The following LRRTM4 variants were observed in gnomAD, a reference collection of about 807,000 sequenced individuals.
The protein encoded by LRRTM4 is leucine-rich repeat transmembrane neuronal protein 4.
Under a neutral mutation model 47.6 loss-of-function variants are expected in LRRTM4, and 25 were observed. The observed-to-expected ratio is 0.53, with a 90% CI of 0.38 to 0.73. The LOEUF is 0.73. LRRTM4 is among the 30% of genes least tolerant of loss of function. The pLI is 0.00. For synonymous variants in LRRTM4, 311 were observed against 269.5 expected (o/e 1.15, Z -1.51); for missense variants, 638 against 713.4 (o/e 0.89, Z 1.20).
intron 3 of LRRTM4, among the ~76,000 whole-genome samples, chr2:76,951,491 T>C (rs957289834): frequency 6.6e-6 from 1 of 152,008 alleles, no homozygotes; most frequent in African/African-American, 2.4e-5. Flanking sequence ...CTGGACCACA[T>C]CTTTTTTTTG....
chr2:77,379,477 T>C (rs892615682), intron 3 of LRRTM4, among the ~76,000 whole-genome samples: 1 of 152,192 alleles, frequency 6.6e-6, no homozygotes, highest in Non-Finnish European at 1.5e-5. Flanking sequence ...ACACACGGCA[T>C]GTTGTCGCTG....
chr2:76,936,329 A>G (rs567360222), intron 3 of LRRTM4, among the ~76,000 whole-genome samples: 54 of 152,096 alleles, frequency 3.6e-4, no homozygotes, highest in Non-Finnish European at 6.6e-4. Context: ...TCAGCAAACT[A>G]TCACAAAACA....
intron 3 of LRRTM4, among the ~76,000 whole-genome samples, chr2:76,952,689 A>C (rs1675535119): frequency 1.3e-5 from 2 of 151,962 alleles, no homozygotes; most frequent in Admixed American, 1.3e-4. Context: ...CCCATTACTG[A>C]ATATATATCC....
chr2:76,992,976 AC>A (rs1677063810), intron 3 of LRRTM4, among the ~76,000 whole-genome samples: 1 of 151,838 alleles, frequency 6.6e-6, no homozygotes, highest in African/African-American at 2.4e-5. Context: ...GCCCACACCT[AC>A]AACCATCTGA....
chr2:77,429,921 C>A (rs1004956074), intron 3 of LRRTM4, among the ~76,000 whole-genome samples: 1 of 152,038 alleles, frequency 6.6e-6, no homozygotes, highest in African/African-American at 2.4e-5. Flanking sequence ...CAAAAATTAG[C>A]CAGGCATGGT....
At chr2:76,899,901 A>G (rs1233041829) in intron 3 of LRRTM4, among the ~76,000 whole-genome samples, 1 of 152,150 alleles carries the variant, frequency 6.6e-6, no homozygotes. Context: ...ATCCATACTT[A>G]TACCAATCTT....
In LRRTM4 at chr2:76,777,382, T is replaced by C. The variant is rs80123531; in HGVS notation, c.1552-28466A>G. ...CCATTTTCACGATATTGATTCTTCCTACCCATGAGCATGGAATGTTCTTCC... is the reference window on the plus strand; with the variant it reads ...CCATTTTCACGATATTGATTCTTCCCACCCATGAGCATGGAATGTTCTTCC... On this transcript the variant is annotated intron_variant, in intron 3 of 3. Transcript: ENST00000409884. 7.6e-5 allele frequency among the ~76,000 whole-genome samples: 11 copies of C among 144,468 alleles called. 1 individual carries two copies. In the East Asian group the frequency reaches 1.5e-3, roughly 20 times the overall value. 94.8% of individuals were successfully genotyped at this position (144,468 alleles called of 152,430 possible).
intron 3 of LRRTM4, among the ~76,000 whole-genome samples, chr2:77,144,662 A>G (rs1291064292): frequency 6.6e-6 from 1 of 152,154 alleles, no homozygotes; most frequent in Non-Finnish European, 1.5e-5. Flanking sequence ...TTCCCTATTT[A>G]TGCCAATATA....
intron 3 of LRRTM4, among the ~76,000 whole-genome samples, chr2:77,264,871 G>T (rs78504949): frequency 0.027 from 4,174 of 152,098 alleles, 80 homozygotes; most frequent in South Asian, 0.06. Context: ...GCCCATTATG[G>T]ATCTCATTCA....
In LRRTM4 at chr2:76,914,444, A is replaced by T. The variant is rs528850901; in HGVS notation, c.1552-165528T>A. On this transcript the variant is annotated intron_variant, in intron 3 of 3. Transcript: ENST00000409884. ...GGTTGATTTTCACTTCCTGATCTGG[A>T]TTATATTTTTTGTAAAGTGTCAAAG... is the stretch of plus-strand genomic sequence containing the variant. Among the ~76,000 whole-genome samples, 4 of 151,960 alleles carry T rather than the reference A, an allele frequency of 2.6e-5. No individual in the cohort carries two copies. The East Asian group carries it at 7.7e-4, about 29-fold the overall frequency.
At position 76,995,127 on chromosome 2, in the gene LRRTM4, T is replaced by A. The variant is rs78265285; in HGVS notation, c.1552-246211A>T. Among the ~76,000 whole-genome samples the A allele has an allele frequency of 9.2e-5, 14 of 152,120 alleles. No homozygotes were observed. In the East Asian group the frequency reaches 2.7e-3, roughly 30 times the overall value. ...TGAAGTGTGCTCTGTAGAACTAAAG[T>A]TTAGAAAATGCATATAAGAGACAGA... On this transcript the variant is annotated intron_variant, in intron 3 of 3. Transcript: ENST00000409884.
chr2:77,274,685 C>T (rs1278267199), intron 3 of LRRTM4, among the ~76,000 whole-genome samples: 1 of 152,102 alleles, frequency 6.6e-6, no homozygotes, highest in Non-Finnish European at 1.5e-5. Flanking sequence ...TTTGGCTCTA[C>T]AGTACAATAG....
At chr2:76,764,031 C>G (rs1673360371) in intron 3 of LRRTM4, among the ~76,000 whole-genome samples, 1 of 152,074 alleles carries the variant, frequency 6.6e-6, no homozygotes. Context: ...AAAAAGAACT[C>G]AGTTGAATGT....
Position 77,066,246 on chromosome 2 carries a change from T to C in LRRTM4, c.1552-317330A>G, listed in dbSNP as rs541946179. On this transcript the variant is annotated intron_variant, in intron 3 of 3. Coordinates refer to ENST00000409884, the MANE Select transcript of LRRTM4 (RefSeq NM_001134745.3). ...TCAATATAGTACGTAGGTTTTTATG[T>C]GTCTCAGTTCTTCATCTATAAAACT... 3.3e-5 allele frequency among the ~76,000 whole-genome samples: 5 copies of C among 151,070 alleles called. No individual in the cohort carries two copies. In the East Asian group the frequency reaches 7.7e-4, roughly 23 times the overall value.
At chr2:77,262,674 T>C (rs1174506823) in intron 3 of LRRTM4, among the ~76,000 whole-genome samples, 1 of 152,022 alleles carries the variant, frequency 6.6e-6, no homozygotes, top group East Asian at 1.9e-4. Flanking sequence ...TTTTGGTTTT[T>C]CTAATATTTG....
chr2:77,438,393 ATTTTTTTTTTT>A (rs70956631), intron 3 of LRRTM4, among the ~76,000 whole-genome samples: 16 of 100,164 alleles, frequency 1.6e-4, no homozygotes, highest in Admixed American at 6.5e-4. Context: ...GATCATGATA[ATTTTTTTTTTT>A]TTTTTTTTTT....
chr2:77,159,044 T>G (rs1672636593), intron 3 of LRRTM4, among the ~76,000 whole-genome samples: 2 of 152,218 alleles, frequency 1.3e-5, no homozygotes, highest in Non-Finnish European at 2.9e-5. Flanking sequence ...CTGTTTTGAT[T>G]TTAACAGTTG....
At chr2:77,258,004 A>T (rs1675816263) in intron 3 of LRRTM4, among the ~76,000 whole-genome samples, 1 of 151,816 alleles carries the variant, frequency 6.6e-6, no homozygotes, top group African/African-American at 2.4e-5. Context: ...GCTGAGGCAG[A>T]AAAATTGCTT....
At chr2:77,315,350 G>T (rs570881425) in intron 3 of LRRTM4, among the ~76,000 whole-genome samples, 1 of 151,812 alleles carries the variant, frequency 6.6e-6, no homozygotes, top group Non-Finnish European at 1.5e-5. Flanking sequence ...ATATTTAAAA[G>T]GTATTGCTCA....
Sources: allele counts gnomAD v4.1 joint callset (sites outside exome capture counted in the v4.1 genomes callset), GRCh38; gene constraint gnomAD v4.1.1; transcripts MANE v1.5; gene names NCBI Gene and HGNC (gene_info 2026-07-23, HGNC 2026-07-21).